EYA1: variants seen among roughly 807,000 people sequenced by gnomAD.
EYA1 encodes EYA transcriptional coactivator and phosphatase 1, also known as protein phosphatase EYA1.
Under a neutral mutation model 82.0 loss-of-function variants are expected in EYA1, and 16 were observed. That is an observed-to-expected ratio of 0.20 (90% CI 0.13 to 0.30). The LOEUF is 0.30. EYA1 is among the 10% of genes least tolerant of loss of function. The pLI is 1.00. For missense variants in EYA1, 633 were observed against 730.7 expected, an observed-to-expected ratio of 0.87 and a Z score of 1.54; for synonymous variants, 261 against 264.4, an observed-to-expected ratio of 0.99 and a Z score of 0.12.
intron 17 of EYA1, among the ~76,000 whole-genome samples, chr8:71,202,212 G>T (rs1807118619): frequency 6.6e-6 from 1 of 151,044 alleles, no homozygotes; most frequent in Non-Finnish European, 1.5e-5. Context: ...CTGCACTGAA[G>T]AATGCCATGA....
At chr8:71,262,085 T>G (rs1815185719) in intron 11 of EYA1, among the ~76,000 whole-genome samples, 1 of 152,222 alleles carries the variant, frequency 6.6e-6, no homozygotes, top group South Asian at 2.1e-4. Flanking sequence ...CTGGGTCAAT[T>G]ACAAGACTGG....
At chr8:71,325,981 G>GATT (rs766557402) in intron 4 of EYA1, among the ~76,000 whole-genome samples, 2 of 152,214 alleles carry the variant, frequency 1.3e-5, no homozygotes, top group Admixed American at 6.5e-5. Flanking sequence ...CAAAGGGAAT[G>GATT]ACCCCAGATC....
At chr8:71,321,142 C>T (rs1822491493) in intron 6 of EYA1, among the ~76,000 whole-genome samples, 2 of 152,076 alleles carry the variant, frequency 1.3e-5, no homozygotes, top group Non-Finnish European at 2.9e-5. Flanking sequence ...AGTTAAATTA[C>T]ACCAAGATAA....
At chr8:71,244,538 T>C in intron 12 of EYA1, 65 bp downstream of exon 12, 1 of 844,206 alleles carries the variant, frequency 1.2e-6, no homozygotes, top group Non-Finnish European at 2.0e-6. Context: ...ATATCCTATC[T>C]TTATTTTAAA....
chr8:71,396,124 G>C (rs1473698053), intron 2 of EYA1, among the ~76,000 whole-genome samples: 5 of 152,252 alleles, frequency 3.3e-5, no homozygotes, highest in African/African-American at 1.2e-4. Flanking sequence ...ATTTCTGTGG[G>C]ATCGGTGGTG....
chr8:71,304,238 G>A (rs1820495666), intron 7 of EYA1, among the ~76,000 whole-genome samples: 1 of 142,216 alleles, frequency 7.0e-6, no homozygotes, highest in Non-Finnish European at 1.6e-5. Flanking sequence ...AGAACTCACC[G>A]ATTCCTCACA....
intron 4 of EYA1, among the ~76,000 whole-genome samples, chr8:71,326,930 A>G (rs545123867): frequency 6.6e-6 from 1 of 152,172 alleles, no homozygotes; most frequent in Admixed American, 6.5e-5. Context: ...CTGACCCTCA[A>G]CCCCAAGCCC....
chr8:71,504,467 T>C (rs2129241095), intron 2 of EYA1, among the ~76,000 whole-genome samples: 1 of 152,372 alleles, frequency 6.6e-6, no homozygotes, highest in East Asian at 1.9e-4. Flanking sequence ...ATATTTTTAC[T>C]ACTGAAAATC....
intron 9 of EYA1, among the ~76,000 whole-genome samples, chr8:71,293,924 T>C (rs1466271572): frequency 2.0e-5 from 3 of 150,766 alleles, no homozygotes; most frequent in Non-Finnish European, 4.4e-5. Flanking sequence ...ATTGTACAAG[T>C]CCTTACTAAT....
chr8:71,539,352 G>C (rs1367895619), intron 1 of EYA1, among the ~76,000 whole-genome samples: 2 of 152,198 alleles, frequency 1.3e-5, no homozygotes, highest in African/African-American at 4.8e-5. Context: ...GTGGCATGCA[G>C]CCCCTTCCAA....
In EYA1 at chr8:71,391,421, A is replaced by G. The variant is rs76485651; in HGVS notation, c.34-34910T>C. 4.8e-3 allele frequency among the ~76,000 whole-genome samples: 724 copies of G among 152,290 alleles called. 33 individuals are homozygous for G. The East Asian group carries it at 0.095, about 20-fold the overall frequency. ...TTTAAAATCTTTGTCTGATTGTTCC[A>G]AGATCTCTGTTATGTCAGGGTTTGT... On this transcript the variant is annotated intron_variant, in intron 2 of 18. Coordinates refer to the EYA1 transcript ENST00000643681.
chr8:71,421,928 G>A (rs1030439128), intron 2 of EYA1, among the ~76,000 whole-genome samples: 1 of 152,190 alleles, frequency 6.6e-6, no homozygotes, highest in African/African-American at 2.4e-5. Flanking sequence ...AGAATCCTAA[G>A]ATTTGAAAAG....
chr8:71,240,959 A>G (rs1812408859), intron 12 of EYA1, among the ~76,000 whole-genome samples: 1 of 152,180 alleles, frequency 6.6e-6, no homozygotes, highest in Non-Finnish European at 1.5e-5. Flanking sequence ...CCAGTTCCAT[A>G]CTGTCATTCA....
At chr8:71,458,338 A>C (rs1249070313) in intron 2 of EYA1, among the ~76,000 whole-genome samples, 2 of 152,116 alleles carry the variant, frequency 1.3e-5, no homozygotes, top group Admixed American at 6.5e-5. Context: ...GTACTTCCTG[A>C]AACATTCATC....
intron 2 of EYA1, among the ~76,000 whole-genome samples, chr8:71,413,659 A>T (rs1830718829): frequency 6.6e-6 from 1 of 152,226 alleles, no homozygotes; most frequent in Non-Finnish European, 1.5e-5. Flanking sequence ...TATATGCAAA[A>T]TAAGGTATCC....
chr8:71,299,859 G>A, intron 7 of EYA1, 139 bp from the exon 8 acceptor site: 1 of 654,902 alleles, frequency 1.5e-6, no homozygotes, highest in Non-Finnish European at 2.7e-6. Context: ...CTAAAATGTA[G>A]TTTTCTTAAC....
intron 2 of EYA1, among the ~76,000 whole-genome samples, chr8:71,423,843 A>G (rs906857542): frequency 4.6e-5 from 7 of 152,230 alleles, no homozygotes; most frequent in Admixed American, 2.0e-4. Flanking sequence ...AAGGTTTGCC[A>G]GAAAATGTAT....
intron 9 of EYA1, among the ~76,000 whole-genome samples, chr8:71,282,737 A>G (rs1158859866): frequency 6.6e-6 from 1 of 152,110 alleles, no homozygotes; most frequent in South Asian, 2.1e-4. Flanking sequence ...TTGCTCCTAC[A>G]GTCCTGGTTA....
chr8:71,468,158 G>A (rs577571085), intron 2 of EYA1, among the ~76,000 whole-genome samples: 1 of 152,150 alleles, frequency 6.6e-6, no homozygotes, highest in East Asian at 1.9e-4. Context: ...TATACATTTG[G>A]ATCCATGAGA....
Sources: gnomAD v4.1 joint callset for allele counts (sites outside exome capture counted in the v4.1 genomes callset) on GRCh38, gnomAD v4.1.1 for gene constraint, MANE v1.5 for transcripts, NCBI Gene and HGNC (gene_info 2026-07-23, HGNC 2026-07-21) for gene names.